The following GRIN2B variants were observed in gnomAD, a reference collection of about 807,000 sequenced individuals.
GRIN2B encodes the protein glutamate ionotropic receptor NMDA type subunit 2B.
In GRIN2B, 5 loss-of-function variants were observed where a neutral mutation model predicts 114.5. The observed-to-expected ratio is 0.04, with a 90% confidence interval of 0.02 to 0.09. The LOEUF is 0.09. Ranked by LOEUF, GRIN2B falls within the 10% of genes least tolerant of loss-of-function variation. GRIN2B has a pLI of 1.00. For missense variants in GRIN2B, 1,108 were observed against 1,943.5 expected, an observed-to-expected ratio of 0.57 and a Z score of 8.08; for synonymous variants, 787 against 745.1, an observed-to-expected ratio of 1.06 and a Z score of -0.92.
chr12:13,908,061 C>A (rs1866572633), intron 2 of GRIN2B, among the ~76,000 whole-genome samples: 1 of 152,060 alleles, frequency 6.6e-6, no homozygotes, highest in African/African-American at 2.4e-5. Context: ...ACACCATACC[C>A]CAGTTATTTT....
Position 13,608,591 on chromosome 12 carries a change from T to G in GRIN2B, c.2010+12A>C. ...TGAGGGAAAGACGGGAGATTTCAAATGAGTCTCTTACCTTTTTGTCGCTCA... is the reference window on the plus strand; with the variant it reads ...TGAGGGAAAGACGGGAGATTTCAAAGGAGTCTCTTACCTTTTTGTCGCTCA... On this transcript the variant is annotated intron_variant, in intron 10 of 13. Coordinates refer to ENST00000609686, the MANE Select transcript of GRIN2B (RefSeq NM_000834.5). 3 of 1,575,296 alleles carry G rather than the reference T, an allele frequency of 1.9e-6. No homozygotes were observed. Among genetic ancestry groups the G allele is most frequent in the South Asian group, 1.1e-5 (1 of 90,156 alleles).
intron 5 of GRIN2B, among the ~76,000 whole-genome samples, chr12:13,630,998 G>A (rs1479729122): frequency 3.3e-5 from 5 of 152,054 alleles, no homozygotes. Context: ...GATCAGGAGC[G>A]GGTAACTGTC....
rs149888888 is a variant in GRIN2B at position 13,549,952 on chromosome 12, C to G, written c.*12831G>C. On this transcript the variant is annotated 3_prime_UTR_variant, in exon 14 of 14. Coordinates refer to ENST00000609686, the MANE Select transcript of GRIN2B (RefSeq NM_000834.5). ...CGTGACTTTTCTCCACTGCTAGATGCTGAAAACCTACAGTGGGGGCAGACA... is the reference window on the plus strand; with the variant it reads ...CGTGACTTTTCTCCACTGCTAGATGGTGAAAACCTACAGTGGGGGCAGACA... 2 of 152,130 alleles carry G rather than the reference C, an allele frequency of 1.3e-5. No homozygotes were observed. The highest frequency in any genetic ancestry group is 2.9e-5 in the Non-Finnish European group (2 of 68,012). 9.4% of individuals were successfully genotyped at this position (152,130 alleles called of 1,614,324 possible). A position where few individuals can be genotyped will look rare whatever the true frequency, so the allele number is the denominator to read the frequency against.
chr12:13,672,716 GTTCTA>G (rs1053030119), intron 5 of GRIN2B, among the ~76,000 whole-genome samples: 52 of 152,186 alleles, frequency 3.4e-4, no homozygotes, highest in Admixed American at 3.1e-3. Context: ...ATATGAAAAT[GTTCTA>G]TTCTATTATC....
chr12:13,783,141 CA>C (rs1284901696), intron 3 of GRIN2B, among the ~76,000 whole-genome samples: 3 of 152,038 alleles, frequency 2.0e-5, no homozygotes, highest in Admixed American at 6.5e-5. Flanking sequence ...CAAAAAATAG[CA>C]AAAACTTCAC....
intron 3 of GRIN2B, among the ~76,000 whole-genome samples, chr12:13,796,031 T>C (rs781108084): frequency 1.5e-4 from 23 of 149,426 alleles, no homozygotes; most frequent in Middle Eastern, 3.4e-3. Flanking sequence ...TATATACATA[T>C]GTAACAAACC....
At chr12:13,648,269 C>T (rs1360918061) in intron 5 of GRIN2B, among the ~76,000 whole-genome samples, 1 of 152,000 alleles carries the variant, frequency 6.6e-6, no homozygotes, top group African/African-American at 2.4e-5. Flanking sequence ...ATGCCAGGCC[C>T]AGGGCTGAGT....
At chr12:13,748,379 A>G (rs1863425716) in intron 4 of GRIN2B, among the ~76,000 whole-genome samples, 1 of 152,206 alleles carries the variant, frequency 6.6e-6, no homozygotes, top group Admixed American at 6.5e-5. Context: ...GAAACAGACC[A>G]TCAGAGATTA....
At chr12:13,839,802 C>T (rs1865347422) in intron 3 of GRIN2B, among the ~76,000 whole-genome samples, 1 of 152,164 alleles carries the variant, frequency 6.6e-6, no homozygotes, top group South Asian at 2.1e-4. Flanking sequence ...CATCCAACAG[C>T]ATCAATTGAC....
intron 2 of GRIN2B, among the ~76,000 whole-genome samples, chr12:13,925,862 G>C (rs11835228): frequency 6.6e-6 from 1 of 152,136 alleles, no homozygotes; most frequent in Non-Finnish European, 1.5e-5. Context: ...TTAAAATACA[G>C]AGTGACGGGC....
At chr12:13,694,658 T>TATATATATAC in intron 4 of GRIN2B, among the ~76,000 whole-genome samples, 1 of 25,220 alleles carries the variant, frequency 4.0e-5, no homozygotes, top group Non-Finnish European at 8.5e-5. Flanking sequence ...GAAAATGTCA[T>TATATATATAC]ATATATATAT....
chr12:13,890,958 T>G (rs1866251238), intron 2 of GRIN2B, among the ~76,000 whole-genome samples: 1 of 152,128 alleles, frequency 6.6e-6, no homozygotes, highest in African/African-American at 2.4e-5. Flanking sequence ...TGAGGCCTCT[T>G]AAGGCAATGG....
At chr12:13,913,226 G>A (rs533741064) in intron 2 of GRIN2B, among the ~76,000 whole-genome samples, 37 of 152,282 alleles carry the variant, frequency 2.4e-4, no homozygotes, top group Non-Finnish European at 3.7e-4. Flanking sequence ...AAAGTCTCAT[G>A]AAAGCACAAC....
chr12:13,707,013 C>T (rs141156820), intron 4 of GRIN2B, among the ~76,000 whole-genome samples: 2,923 of 152,194 alleles, frequency 0.019, 55 homozygotes, highest in Middle Eastern at 0.075. Flanking sequence ...CGTCACTTCT[C>T]GCTGCTCATG....
intron 10 of GRIN2B, among the ~76,000 whole-genome samples, chr12:13,587,464 C>A (rs1948944471): frequency 6.6e-6 from 1 of 151,408 alleles, no homozygotes; most frequent in Non-Finnish European, 1.5e-5. Context: ...AAGCGATCTT[C>A]CCACCTCAGC....
At chr12:13,832,030 T>A (rs2136703950) in intron 3 of GRIN2B, among the ~76,000 whole-genome samples, 1 of 152,328 alleles carries the variant, frequency 6.6e-6, no homozygotes. Flanking sequence ...CAGGGTAGCA[T>A]GTTTTTGTAA....
At chr12:13,804,495 C>T (rs576239724) in intron 3 of GRIN2B, among the ~76,000 whole-genome samples, 3 of 152,114 alleles carry the variant, frequency 2.0e-5, no homozygotes, top group Non-Finnish European at 4.4e-5. Flanking sequence ...TGAACCCCTT[C>T]ATTTTTAAAA....
At chr12:13,797,809 G>C (rs1413751245) in intron 3 of GRIN2B, among the ~76,000 whole-genome samples, 2 of 152,180 alleles carry the variant, frequency 1.3e-5, no homozygotes, top group Non-Finnish European at 2.9e-5. Context: ...TAAATTGGAT[G>C]GTTCAGCTGT....
At chr12:13,627,232 G>T (rs189144753) in intron 5 of GRIN2B, among the ~76,000 whole-genome samples, 11 of 152,226 alleles carry the variant, frequency 7.2e-5, no homozygotes, top group Admixed American at 5.9e-4. Context: ...TGGCTATTCT[G>T]GGGGCTCAAC....
Sources: gnomAD v4.1 joint callset for allele counts (sites outside exome capture counted in the v4.1 genomes callset) on GRCh38, gnomAD v4.1.1 for gene constraint, MANE v1.5 for transcripts, NCBI Gene and HGNC (gene_info 2026-07-23, HGNC 2026-07-21) for gene names.